The following EPB41L2 variants were observed in gnomAD, a reference collection of about 807,000 sequenced individuals.
The protein encoded by EPB41L2 is band 4.1-like protein 2.
In EPB41L2, 43 loss-of-function variants were observed where a neutral mutation model predicts 113.0. The observed-to-expected ratio is 0.38, with a 90% CI of 0.30 to 0.49. The LOEUF (loss-of-function observed/expected upper bound fraction) is 0.49, where lower values mean the gene tolerates loss of function less well. Ranked by LOEUF, EPB41L2 falls within the 20% of genes least tolerant of loss-of-function variation. The probability of loss-of-function intolerance (pLI) is 0.95; values close to 1 mark genes in which losing one functional copy is unlikely to be tolerated. For synonymous variants in EPB41L2, 442 were observed against 436.7 expected, an observed-to-expected ratio of 1.01 and a Z score of -0.15; for missense variants, 1,147 against 1,223.4, an observed-to-expected ratio of 0.94 and a Z score of 0.93.
Position 130,858,218 on chromosome 6 carries a change from G to A in EPB41L2, c.2936C>T (p.Ala979Val). Residue 979 changes from alanine (A) to valine (V), a missense_variant, in exon 19 of 20, where the codon GCC (alanine) becomes GTC (valine). Physicochemically the swap from Ala to Val is moderately conservative, Grantham distance 64. Coordinates refer to ENST00000337057, the MANE Select transcript of EPB41L2 (RefSeq NM_001431.4). ...DQALAQAIRE[A>V]REQHPDMSVT... ...CGACATGTCAGGGTGCTGCTCTCTG[G>A]CTTCCCTGATCGCCTGAGCCAGTGC... is the stretch of plus-strand genomic sequence containing the variant. 1 of 1,613,420 alleles carries A rather than the reference G, an allele frequency of 6.2e-7. No homozygotes were observed. The highest frequency in any genetic ancestry group is 8.5e-7 in the Non-Finnish European group (1 of 1,179,688).
intron 1 of EPB41L2, among the ~76,000 whole-genome samples, chr6:130,969,634 G>C (rs1345864173): frequency 1.3e-5 from 2 of 152,134 alleles, no homozygotes; most frequent in East Asian, 3.9e-4. Flanking sequence ...AACTGTTAAT[G>C]GCTAATAATC....
At chr6:131,019,847 T>C (rs1295459114) in intron 1 of EPB41L2, among the ~76,000 whole-genome samples, 1 of 152,168 alleles carries the variant, frequency 6.6e-6, no homozygotes, top group Non-Finnish European at 1.5e-5. Context: ...TCAGTACTGT[T>C]ACCAGGGTTA....
intron 3 of EPB41L2, among the ~76,000 whole-genome samples, chr6:130,928,924 A>G (rs1306868126): frequency 6.6e-6 from 1 of 152,240 alleles, no homozygotes; most frequent in Non-Finnish European, 1.5e-5. Flanking sequence ...TCAACCAACC[A>G]TAGCAGTACT....
chr6:131,058,948 G>A (rs923172087), intron 1 of EPB41L2, among the ~76,000 whole-genome samples: 4 of 151,134 alleles, frequency 2.6e-5, no homozygotes, highest in Non-Finnish European at 2.9e-5. Flanking sequence ...CTGGGAAGAC[G>A]GAGGTTGCAG....
intron 4 of EPB41L2, among the ~76,000 whole-genome samples, chr6:130,925,294 T>C (rs1189776321): frequency 6.6e-6 from 1 of 151,114 alleles, no homozygotes; most frequent in Admixed American, 6.6e-5. Context: ...GTTCAAGTGA[T>C]TCTCCTGCCT....
In EPB41L2 at chr6:130,869,697, C is replaced by G; in HGVS notation, c.2473G>C (p.Gly825Arg). Residue 825 changes from glycine to arginine, a missense_variant, in exon 15 of 20, where the codon GGA (glycine) becomes CGA (arginine). Physicochemically the swap from Gly to Arg is moderately radical, Grantham distance 125. Transcript: ENST00000337057. ...GCGCCTTCGTGTACACTCTTCTCTC[C>G]GGGTATCTTTTGGGCACCTACATTT... ...QENVGAQKIPGEKSVHEGALK... is the reference protein window; with the variant it reads ...QENVGAQKIPREKSVHEGALK... The G allele has an allele frequency of 6.2e-7, 1 of 1,614,154 alleles. No homozygotes were observed. The highest frequency in any genetic ancestry group is 8.5e-7 in the Non-Finnish European group (1 of 1,180,040).
intron 1 of EPB41L2, among the ~76,000 whole-genome samples, chr6:130,961,482 T>C (rs939171506): frequency 6.6e-6 from 1 of 152,228 alleles, no homozygotes; most frequent in African/African-American, 2.4e-5. Flanking sequence ...AATTCTAATG[T>C]GCTATCTCTA....
rs549804011 is a variant in EPB41L2 at position 130,955,349 on chromosome 6, T to C, written c.493-32A>G. On this transcript the variant is annotated intron_variant, in intron 2 of 19. Transcript: ENST00000337057. ...AGGAAAAAAAAATAAATTCATACTATAGTCAACCACCTTGCAGATGACAAC... is the reference window on the plus strand; with the variant it reads ...AGGAAAAAAAAATAAATTCATACTACAGTCAACCACCTTGCAGATGACAAC... 3.1e-5 allele frequency: 50 copies of C among 1,599,008 alleles called. No homozygotes were observed. The Admixed American group carries it at 4.7e-4, about 15-fold the overall frequency.
chr6:130,972,323 CAAAAAAAAAAAAA>C (rs56878009), intron 1 of EPB41L2, among the ~76,000 whole-genome samples: 1 of 76,640 alleles, frequency 1.3e-5, no homozygotes, highest in African/African-American at 5.6e-5. Context: ...GACTCCATCT[CAAAAAAAAAAAAA>C]AAAAAAAAAA....
chr6:130,927,869 T>C (rs1805282452), intron 3 of EPB41L2, among the ~76,000 whole-genome samples: 1 of 152,208 alleles, frequency 6.6e-6, no homozygotes. Context: ...GAGGCAGGCA[T>C]ATCTCTTGAG....
intron 1 of EPB41L2, among the ~76,000 whole-genome samples, chr6:130,972,737 T>C (rs1297707893): frequency 6.6e-6 from 1 of 151,736 alleles, no homozygotes; most frequent in African/African-American, 2.4e-5. Context: ...GCAAAGAAAA[T>C]GCTTTAGATA....
intron 1 of EPB41L2, among the ~76,000 whole-genome samples, chr6:131,021,714 TCCC>T (rs1789537271): frequency 6.6e-6 from 1 of 152,082 alleles, no homozygotes; most frequent in South Asian, 2.1e-4. Context: ...AGCTAACACT[TCCC>T]ATGCACCATT....
chr6:131,004,124 C>T (rs1297647295), intron 1 of EPB41L2, among the ~76,000 whole-genome samples: 2 of 152,142 alleles, frequency 1.3e-5, no homozygotes, highest in East Asian at 3.9e-4. Flanking sequence ...TTCTGCCTGC[C>T]TATCTATAGA....
intron 1 of EPB41L2, among the ~76,000 whole-genome samples, chr6:131,007,304 C>T (rs916778782): frequency 6.6e-6 from 1 of 152,192 alleles, no homozygotes; most frequent in Admixed American, 6.5e-5. Flanking sequence ...TCTCTCCTGC[C>T]GCCCTGTGAG....
At chr6:130,911,375 G>C (rs1276236572) in intron 4 of EPB41L2, among the ~76,000 whole-genome samples, 2 of 152,098 alleles carry the variant, frequency 1.3e-5, no homozygotes, top group Admixed American at 6.5e-5. Context: ...GTTGGGGTGT[G>C]GGGGGCTAGG....
At position 130,993,614 on chromosome 6, in the gene EPB41L2, C is replaced by G. The variant is rs6906059; in HGVS notation, c.-14-37115G>C. 9.9e-5 allele frequency among the ~76,000 whole-genome samples: 15 copies of G among 152,118 alleles called. No homozygotes were observed. In the East Asian group the frequency reaches 2.9e-3, roughly 29 times the overall value. ...GGTAGTACCCAGACGGCCTCCCTCT[C>G]GATCTTCAGGGGGTATGTGTCTTCC... is the stretch of plus-strand genomic sequence containing the variant. On this transcript the variant is annotated intron_variant, in intron 1 of 19. Transcript: ENST00000337057.
intron 1 of EPB41L2, among the ~76,000 whole-genome samples, chr6:130,976,471 A>G (rs1411534625): frequency 6.6e-6 from 1 of 152,172 alleles, no homozygotes; most frequent in Non-Finnish European, 1.5e-5. Flanking sequence ...CATTTTTAAG[A>G]TGTAATGTTG....
Position 130,908,841 on chromosome 6 carries a change from T to C in EPB41L2, c.833A>G (p.Glu278Gly), listed in dbSNP as rs752476299. Reference sequence around the variant, plus strand: ...CTTACTTCTCAGTTGTCTCTTTATTTCTTTAGCAGGATCTAACCAGTTCTG... The same window carrying C: ...CTTACTTCTCAGTTGTCTCTTTATTCCTTTAGCAGGATCTAACCAGTTCTG... ...EQKNWLDPAK[E>G]IKRQLRNLPW... The change falls in exon 5 of 20, where the codon GAA (glutamate) becomes GGA (glycine). Residue 278 changes from glutamate (E) to glycine (G), a missense_variant. By Grantham distance (98) the Glu-to-Gly change is moderately conservative (BLOSUM62 -2). Coordinates refer to ENST00000337057, the MANE Select transcript of EPB41L2 (RefSeq NM_001431.4). 4.4e-6 allele frequency: 7 copies of C among 1,604,846 alleles called. No individual in the cohort carries two copies. The East Asian group carries it at 1.3e-4, about 31-fold the overall frequency.
intron 3 of EPB41L2, among the ~76,000 whole-genome samples, chr6:130,929,132 G>A (rs1805811384): frequency 6.6e-6 from 1 of 152,098 alleles, no homozygotes; most frequent in South Asian, 2.1e-4. Context: ...TCAAAATCTG[G>A]AAGGAAAAGC....
Sources: gnomAD v4.1 joint callset for allele counts (sites outside exome capture counted in the v4.1 genomes callset) on GRCh38, gnomAD v4.1.1 for gene constraint, MANE v1.5 for transcripts, NCBI Gene and HGNC (gene_info 2026-07-23, HGNC 2026-07-21) for gene names.